The following NSMCE1 variants were observed in gnomAD, a reference collection of about 807,000 sequenced individuals.
The protein encoded by NSMCE1 is NSE1 component of SMC5/6 complex, also known as non-structural maintenance of chromosomes element 1 homolog.
In NSMCE1, 18 loss-of-function variants were observed where a neutral mutation model predicts 29.6. That is an observed-to-expected ratio of 0.61 (90% CI 0.42 to 0.90). The LOEUF (loss-of-function observed/expected upper bound fraction) is 0.90. Among genes scored for constraint, NSMCE1 ranks in the 40% least tolerant of loss-of-function variants. The probability of loss-of-function intolerance (pLI) is 0.00; values close to 1 mark genes in which losing one functional copy is unlikely to be tolerated. For missense variants in NSMCE1, 314 were observed against 343.6 expected, an observed-to-expected ratio of 0.91 and a Z score of 0.68; for synonymous variants, 124 against 133.4, an observed-to-expected ratio of 0.93 and a Z score of 0.49.
intron 5 of NSMCE1, among the ~76,000 whole-genome samples, chr16:27,228,910 G>A (rs919745530): frequency 1.3e-5 from 2 of 150,584 alleles, no homozygotes; most frequent in South Asian, 4.2e-4. Flanking sequence ...ATCCATCATG[G>A]CAACCCACCT....
chr16:27,260,134 A>G (rs140583026), intron 1 of NSMCE1, among the ~76,000 whole-genome samples: 78 of 152,382 alleles, frequency 5.1e-4, no homozygotes, highest in African/African-American at 1.8e-3. Context: ...AACTGTATAA[A>G]ACAGTAAAAA....
chr16:27,226,540 G>A, intron 6 of NSMCE1, 180 bp downstream of exon 6: 1 of 565,744 alleles, frequency 1.8e-6, no homozygotes, highest in East Asian at 2.9e-5. Context: ...CGTCCCTGCG[G>A]GGCACAGCAG....
intron 1 of NSMCE1, chr16:27,258,035 A>C (rs2084106982): frequency 6.6e-6 from 1 of 152,472 alleles, no homozygotes; most frequent in African/African-American, 2.4e-5. Context: ...GAGCCTTTTT[A>C]CCAGATCTAT....
chr16:27,251,954 TCTC>T (rs2084039924), intron 2 of NSMCE1, among the ~76,000 whole-genome samples: 1 of 152,114 alleles, frequency 6.6e-6, no homozygotes, highest in African/African-American at 2.4e-5. Flanking sequence ...CTCATCTCCA[TCTC>T]CTCAACGCAG....
chr16:27,225,933 A>G lies in NSMCE1; in HGVS notation c.601-87T>C, dbSNP rs369513785. On this transcript the variant is annotated intron_variant, in intron 6 of 7. Coordinates refer to ENST00000361439, the MANE Select transcript of NSMCE1 (RefSeq NM_145080.4). The stretch of plus-strand genomic sequence containing the variant: ...CGGGGAAGCCACAAGGGAAATGGGC[A>G]GCAGGTGGCATCGTGTTATCTTCTG... The G allele has an allele frequency of 8.8e-5, 133 of 1,510,874 alleles. 1 individual carries two copies. The East Asian group carries it at 2.5e-3, about 29-fold the overall frequency. 93.6% of individuals were successfully genotyped at this position (1,510,874 alleles called of 1,614,324 possible).
At chr16:27,264,574 C>T (rs1397719005) in intron 1 of NSMCE1, among the ~76,000 whole-genome samples, 4 of 151,932 alleles carry the variant, frequency 2.6e-5, no homozygotes, top group African/African-American at 4.8e-5. Flanking sequence ...ACTTGTTATC[C>T]ATATGTAAAA....
intron 2 of NSMCE1, among the ~76,000 whole-genome samples, chr16:27,246,836 C>T (rs2083963095): frequency 1.3e-5 from 2 of 152,132 alleles, no homozygotes; most frequent in South Asian, 4.1e-4. Flanking sequence ...CTGCAATATA[C>T]TTATTAATCA....
At chr16:27,247,926 C>CA (rs78525963) in intron 2 of NSMCE1, among the ~76,000 whole-genome samples, 1,359 of 107,420 alleles carry the variant, frequency 0.013, 10 homozygotes, top group African/African-American at 0.036. Context: ...GACTCTGTCT[C>CA]AAAAAAAAAA....
At chr16:27,245,800 G>A (rs916318142) in intron 2 of NSMCE1, among the ~76,000 whole-genome samples, 3 of 152,156 alleles carry the variant, frequency 2.0e-5, no homozygotes, top group Non-Finnish European at 4.4e-5. Context: ...AAGGCAGACC[G>A]GCTCTGACAG....
chr16:27,226,654 T>G, intron 6 of NSMCE1, 66 bp downstream of exon 6: 1 of 1,026,242 alleles, frequency 9.7e-7, no homozygotes, highest in East Asian at 2.4e-5. Context: ...TTCCGGGAAG[T>G]ACCTGTACAG....
Position 27,225,625 on chromosome 16 carries a change from C to T in NSMCE1, c.721+101G>A, listed in dbSNP as rs2083680726. 4 of 1,423,520 alleles carry T rather than the reference C, an allele frequency of 2.8e-6. No homozygotes were observed. The African/African-American group carries it at 4.2e-5, about 15-fold the overall frequency. The allele number at this position is 1,423,520 out of a possible 1,614,324, so 88.2% of individuals were successfully genotyped here. On this transcript the variant is annotated intron_variant, in intron 7 of 7. Transcript: ENST00000361439. ...GCTGCTAACACGGACCCCCACACAC[C>T]CTGGAGCCCTTCAGGGCCCTGTCTC...
At position 27,255,631 on chromosome 16, in the gene NSMCE1, G is replaced by A. The variant is rs188729877; in HGVS notation, c.136+1804C>T. 1.6e-4 allele frequency among the ~76,000 whole-genome samples: 24 copies of A among 152,324 alleles called. No homozygotes were observed. In the East Asian group the frequency reaches 3.9e-3, roughly 24 times the overall value. ...TCCATGGACCAGTGCTCTGGAGAAC[G>A]CAGATGCTACTCTCCAGACACTTCA... On this transcript the variant is annotated intron_variant, in intron 2 of 7. Coordinates refer to ENST00000361439, the MANE Select transcript of NSMCE1 (RefSeq NM_145080.4).
chr16:27,225,894 G>A, intron 6 of NSMCE1, 48 bp from the exon 7 acceptor site: 1 of 1,607,796 alleles, frequency 6.2e-7, no homozygotes, highest in Non-Finnish European at 8.5e-7. Context: ...ACACCTCCAT[G>A]TTCTGCAAAC....
chr16:27,254,776 T>G (rs1355311754), intron 2 of NSMCE1, among the ~76,000 whole-genome samples: 1 of 151,038 alleles, frequency 6.6e-6, no homozygotes, highest in Non-Finnish European at 1.5e-5. Context: ...TGGTAGAGAC[T>G]GGGTTTCACC....
At chr16:27,268,272 G>C (rs919124477) in intron 1 of NSMCE1, 19 of 152,164 alleles carry the variant, frequency 1.2e-4, no homozygotes, top group Non-Finnish European at 2.1e-4. Context: ...CAAAACAGAG[G>C]GGAGCACGGA....
intron 1 of NSMCE1, among the ~76,000 whole-genome samples, chr16:27,267,569 T>C: frequency 6.6e-6 from 1 of 151,368 alleles, no homozygotes; most frequent in East Asian, 1.9e-4. Context: ...AGGTCCCTCA[T>C]CTGCAACCCT....
intron 2 of NSMCE1, among the ~76,000 whole-genome samples, chr16:27,247,908 C>G (rs1040191110): frequency 6.8e-6 from 1 of 147,878 alleles, no homozygotes; most frequent in Non-Finnish European, 1.5e-5. Flanking sequence ...GCCTGGGCGA[C>G]AGAGCAAGAC....
rs531478757 is a variant in NSMCE1 at position 27,229,080 on chromosome 16, C to T, written c.484-2244G>A. Among the ~76,000 whole-genome samples, 3 of 152,318 alleles carry T rather than the reference C, an allele frequency of 2.0e-5. No homozygotes were observed. In the South Asian group the frequency reaches 6.2e-4, roughly 32 times the overall value. On this transcript the variant is annotated intron_variant, in intron 5 of 7. Transcript: ENST00000361439. ...CACCCTTAGGTCCAAGAGCCAAGCC[C>T]CTAATACGCGTATCTCCCGGGCTGC...
chr16:27,252,472 A>G (rs548542492), intron 2 of NSMCE1, among the ~76,000 whole-genome samples: 1 of 152,326 alleles, frequency 6.6e-6, no homozygotes, highest in African/African-American at 2.4e-5. Context: ...CAAATTCAAT[A>G]ATCAACAGGC....
Sources: gnomAD v4.1 joint callset for allele counts (sites outside exome capture counted in the v4.1 genomes callset) on GRCh38, gnomAD v4.1.1 for gene constraint, MANE v1.5 for transcripts, NCBI Gene and HGNC (gene_info 2026-07-23, HGNC 2026-07-21) for gene names.